Variants in ELMO1 observed in about 807,000 individuals in gnomAD.
ELMO1 encodes the protein engulfment and cell motility protein 1.
Under a neutral mutation model 98.9 loss-of-function variants are expected in ELMO1, and 26 were observed. That is an observed-to-expected ratio of 0.26 (90% CI 0.19 to 0.36). The LOEUF (loss-of-function observed/expected upper bound fraction) is 0.36, where lower values mean the gene tolerates loss of function less well. ELMO1 is among the 10% of genes least tolerant of loss of function. The pLI is 1.00. For synonymous variants in ELMO1, 346 were observed against 346.0 expected, an observed-to-expected ratio of 1.00 and a Z score of 0.00; for missense variants, 627 against 935.2, an observed-to-expected ratio of 0.67 and a Z score of 4.30.
At chr7:36,972,587 A>G (rs1790062313) in intron 16 of ELMO1, among the ~76,000 whole-genome samples, 1 of 151,956 alleles carries the variant, frequency 6.6e-6, no homozygotes, top group African/African-American at 2.4e-5. Flanking sequence ...GTGTCTCTTT[A>G]CATCATCTTC....
chr7:37,253,721 A>G (rs1220373226), intron 6 of ELMO1, among the ~76,000 whole-genome samples: 1 of 56,926 alleles, frequency 1.8e-5, no homozygotes, highest in Non-Finnish European at 3.2e-5. Flanking sequence ...AACTTAAAGT[A>G]AAAAAAAAAA....
chr7:37,001,473 T>C (rs1373310735), intron 16 of ELMO1, among the ~76,000 whole-genome samples: 1 of 152,218 alleles, frequency 6.6e-6, no homozygotes, highest in Non-Finnish European at 1.5e-5. Context: ...TTGCTTCCAA[T>C]GATATATTGA....
At chr7:37,414,581 T>G (rs1300368243) in intron 1 of ELMO1, among the ~76,000 whole-genome samples, 1 of 152,234 alleles carries the variant, frequency 6.6e-6, no homozygotes, top group Non-Finnish European at 1.5e-5. Context: ...ATCTGCCCTG[T>G]GGCCAACTCC....
rs527738172 is a variant in ELMO1, at chr7:37,164,563, C to T, written c.1087-31329G>A. Among the ~76,000 whole-genome samples, 739 of 152,280 alleles carry T rather than the reference C, an allele frequency of 4.9e-3. 3 individuals are homozygous for T. The highest frequency in any genetic ancestry group is 8.7e-3 in the Non-Finnish European group (591 of 68,024). On this transcript the variant is annotated intron_variant, in intron 13 of 21. Transcript: ENST00000310758. ...TTTCAGCTTTCTACATATGGCTAGC[C>T]AGTTTTCCCAGCACCATTTGTTAAA... is the stretch of plus-strand genomic sequence containing the variant.
chr7:36,893,420 C>T (rs888194974), intron 17 of ELMO1, among the ~76,000 whole-genome samples: 2 of 152,164 alleles, frequency 1.3e-5, no homozygotes, highest in Non-Finnish European at 2.9e-5. Context: ...CTAGCTGGTG[C>T]TCATGCAGGT....
chr7:37,188,923 TTC>T (rs3054278), intron 13 of ELMO1, among the ~76,000 whole-genome samples: 78,220 of 151,778 alleles, frequency 0.52, 21,868 homozygotes, highest in East Asian at 0.65. Context: ...GTTCATGTGT[TTC>T]TGAGATTTTC....
At chr7:37,178,896 G>T (rs1443959464) in intron 13 of ELMO1, among the ~76,000 whole-genome samples, 2 of 152,202 alleles carry the variant, frequency 1.3e-5, no homozygotes, top group East Asian at 3.9e-4. Flanking sequence ...GCTGTCGCAG[G>T]TTGAATGAGA....
intron 16 of ELMO1, among the ~76,000 whole-genome samples, chr7:36,903,915 G>A (rs543599465): frequency 1.1e-4 from 17 of 152,320 alleles, no homozygotes; most frequent in South Asian, 2.1e-4. Flanking sequence ...TCAGATTGGC[G>A]GACAGGGGAC....
intron 1 of ELMO1, among the ~76,000 whole-genome samples, chr7:37,445,217 G>A (rs921819904): frequency 6.6e-6 from 1 of 152,200 alleles, no homozygotes; most frequent in African/African-American, 2.4e-5. Context: ...TGGTTGACTA[G>A]AAGGAACCAG....
At position 36,902,280 on chromosome 7, in the gene ELMO1, TC is replaced by T. The variant is rs1783629689; in HGVS notation, c.1438-7264del. Among the ~76,000 whole-genome samples, 3 of 152,356 alleles carry T rather than the reference TC, an allele frequency of 2.0e-5. No homozygotes were observed. The South Asian group carries it at 6.2e-4, about 32-fold the overall frequency. On this transcript the variant is annotated intron_variant, in intron 16 of 21. Transcript: ENST00000310758. Reference sequence around the variant, plus strand: ...ATTTCACAAAGGATGTGTGGTCTAATCGTGGCATCCAGTAACAAGAGAACTC... The same window carrying T: ...ATTTCACAAAGGATGTGTGGTCTAATGTGGCATCCAGTAACAAGAGAACTC...
At chr7:37,113,064 G>A (rs1785347780) in intron 14 of ELMO1, among the ~76,000 whole-genome samples, 1 of 152,238 alleles carries the variant, frequency 6.6e-6, no homozygotes, top group South Asian at 2.1e-4. Context: ...TACCGATATA[G>A]TTTCTAATTT....
intron 11 of ELMO1, among the ~76,000 whole-genome samples, chr7:37,215,886 T>C (rs1016267013): frequency 6.6e-6 from 1 of 152,218 alleles, no homozygotes; most frequent in African/African-American, 2.4e-5. Context: ...TGAATAATAA[T>C]AAAACCTGCA....
At chr7:37,129,535 A>T (rs1267714748) in intron 14 of ELMO1, among the ~76,000 whole-genome samples, 1 of 152,150 alleles carries the variant, frequency 6.6e-6, no homozygotes, top group Non-Finnish European at 1.5e-5. Context: ...GACCTGCATT[A>T]TCTGTTTCCT....
chr7:36,998,921 A>G (rs1467402898), intron 16 of ELMO1, among the ~76,000 whole-genome samples: 1 of 152,032 alleles, frequency 6.6e-6, no homozygotes, highest in Non-Finnish European at 1.5e-5. Flanking sequence ...TAGGGGGTTG[A>G]GAAAATCATT....
intron 15 of ELMO1, among the ~76,000 whole-genome samples, chr7:37,065,813 C>T (rs1796929982): frequency 6.6e-6 from 1 of 152,136 alleles, no homozygotes; most frequent in Admixed American, 6.5e-5. Flanking sequence ...AACATTCACG[C>T]AATCTGGGAA....
At chr7:36,985,964 T>G (rs1791471314) in intron 16 of ELMO1, 3 of 1,002,944 alleles carry the variant, frequency 3.0e-6, no homozygotes, top group South Asian at 9.4e-5. Context: ...CAAATACTGA[T>G]TCTAAGCTGC....
Position 37,293,007 on chromosome 7 carries a change from A to C in ELMO1, c.193-21125T>G, listed in dbSNP as rs199506479. 1.0e-3 allele frequency among the ~76,000 whole-genome samples: 41 copies of C among 40,532 alleles called. 1 individual carries two copies. The highest frequency in any genetic ancestry group is 2.9e-3 in the African/African-American group (32 of 11,080). The allele number at this position is 40,532 out of a possible 152,430, so 26.6% of individuals were successfully genotyped here. A position where few individuals can be genotyped will look rare whatever the true frequency, so the allele number is the denominator to read the frequency against. Reference sequence around the variant, plus strand: ...CGCCCCTACTGGGAAGTGAGGAGCCACTCTGCCCAGCCAGCCGCCCCGTCC... The same window carrying C: ...CGCCCCTACTGGGAAGTGAGGAGCCCCTCTGCCCAGCCAGCCGCCCCGTCC... On this transcript the variant is annotated intron_variant, in intron 4 of 21. Coordinates refer to ENST00000310758, the MANE Select transcript of ELMO1 (RefSeq NM_014800.11).
intron 14 of ELMO1, among the ~76,000 whole-genome samples, chr7:37,112,055 G>A (rs747249561): frequency 1.1e-4 from 17 of 151,974 alleles, no homozygotes; most frequent in Non-Finnish European, 2.2e-4. Context: ...TTGATCTTCT[G>A]AAAAATATCA....
At chr7:37,122,406 G>GAC (rs1431590129) in intron 14 of ELMO1, among the ~76,000 whole-genome samples, 1 of 152,038 alleles carries the variant, frequency 6.6e-6, no homozygotes, top group African/African-American at 2.4e-5. Context: ...CACATGCAGA[G>GAC]ACACACACAC....
Sources: allele counts gnomAD v4.1 joint callset (sites outside exome capture counted in the v4.1 genomes callset), GRCh38; gene constraint gnomAD v4.1.1; transcripts MANE v1.5; gene names NCBI Gene and HGNC (gene_info 2026-07-23, HGNC 2026-07-21).